The following BTBD9 variants were observed in gnomAD, a reference collection of about 807,000 sequenced individuals.
BTBD9 encodes the protein BTB domain containing 9, also known as BTB/POZ domain-containing protein 9.
BTBD9 carries 49 observed loss-of-function variants against 64.3 expected under a neutral mutation model. The ratio of observed to expected loss-of-function variants is 0.76; its 90% confidence interval spans 0.61 to 0.97. The LOEUF (loss-of-function observed/expected upper bound fraction) is 0.97, where lower values mean the gene tolerates loss of function less well. BTBD9 is among the 50% of genes least tolerant of loss of function. The probability of loss-of-function intolerance (pLI) is 0.00; values close to 1 mark genes in which losing one functional copy is unlikely to be tolerated. For synonymous variants in BTBD9, 260 were observed against 274.7 expected (o/e 0.95, Z 0.53); for missense variants, 598 against 762.1 (o/e 0.78, Z 2.53).
At chr6:38,615,581 C>G (rs1777755710) in intron 1 of BTBD9, among the ~76,000 whole-genome samples, 1 of 152,112 alleles carries the variant, frequency 6.6e-6, no homozygotes, top group Non-Finnish European at 1.5e-5. Context: ...TGTTTTGTTC[C>G]CAAAGCTTCA....
chr6:38,186,514 C>T (rs1761827195), intron 10 of BTBD9, among the ~76,000 whole-genome samples: 1 of 152,136 alleles, frequency 6.6e-6, no homozygotes, highest in Admixed American at 6.5e-5. Context: ...AGTTGGTTTA[C>T]TACATCTTTT....
chr6:38,251,798 C>T (rs915251990), intron 9 of BTBD9, among the ~76,000 whole-genome samples: 3 of 150,108 alleles, frequency 2.0e-5, no homozygotes, highest in African/African-American at 7.4e-5. Context: ...AGACTGAGGC[C>T]GGAGAATCAC....
chr6:38,275,855 C>G (rs982597704), intron 8 of BTBD9, among the ~76,000 whole-genome samples: 2 of 151,974 alleles, frequency 1.3e-5, no homozygotes, highest in African/African-American at 4.8e-5. Flanking sequence ...ACAACAGGTG[C>G]TGGAGAGGAT....
intron 6 of BTBD9, among the ~76,000 whole-genome samples, chr6:38,540,199 T>C (rs1256950896): frequency 1.3e-5 from 2 of 152,228 alleles, no homozygotes; most frequent in African/African-American, 2.4e-5. Flanking sequence ...ACCTTGCTAC[T>C]GTGCCAAAGT....
At chr6:38,392,699 T>C (rs967199227) in intron 6 of BTBD9, among the ~76,000 whole-genome samples, 3 of 152,162 alleles carry the variant, frequency 2.0e-5, no homozygotes, top group Admixed American at 2.0e-4. Context: ...CTGAATGTAG[T>C]TCTGATTAAT....
intron 7 of BTBD9, among the ~76,000 whole-genome samples, chr6:38,341,054 CA>C (rs1310738488): frequency 3.3e-5 from 5 of 152,028 alleles, no homozygotes; most frequent in Admixed American, 3.3e-4. Context: ...AGTTTCTTAA[CA>C]AATAAATAAT....
intron 6 of BTBD9, among the ~76,000 whole-genome samples, chr6:38,459,428 G>C (rs975421203): frequency 6.6e-6 from 1 of 152,310 alleles, no homozygotes; most frequent in Admixed American, 6.5e-5. Context: ...TCTGGCCAAT[G>C]GGTTGTGAGT....
At chr6:38,454,198 C>G (rs1361412378) in intron 6 of BTBD9, among the ~76,000 whole-genome samples, 1 of 152,102 alleles carries the variant, frequency 6.6e-6, no homozygotes, top group Non-Finnish European at 1.5e-5. Flanking sequence ...TAAATGTTAA[C>G]TCAATGTTCA....
chr6:38,507,410 C>T (rs1772573803), intron 6 of BTBD9, among the ~76,000 whole-genome samples: 1 of 152,192 alleles, frequency 6.6e-6, no homozygotes, highest in African/African-American at 2.4e-5. Flanking sequence ...CCAGCTACCA[C>T]CTATCTGCCT....
intron 2 of BTBD9, among the ~76,000 whole-genome samples, chr6:38,597,256 G>A (rs900318249): frequency 2.0e-5 from 3 of 152,162 alleles, no homozygotes; most frequent in African/African-American, 7.2e-5. Context: ...TAGATACCAA[G>A]TTTCCCAGAT....
At chr6:38,623,144 T>C (rs1198515908) in intron 1 of BTBD9, among the ~76,000 whole-genome samples, 1 of 152,178 alleles carries the variant, frequency 6.6e-6, no homozygotes, top group Admixed American at 6.5e-5. Flanking sequence ...CAACCAGTTC[T>C]GTCTACCCAG....
intron 6 of BTBD9, among the ~76,000 whole-genome samples, chr6:38,570,226 C>T (rs1775700610): frequency 6.6e-6 from 1 of 152,142 alleles, no homozygotes. Flanking sequence ...TCCTCCCCTA[C>T]AGGATTGCTG....
At chr6:38,564,185 T>C (rs1159493455) in intron 6 of BTBD9, among the ~76,000 whole-genome samples, 1 of 152,210 alleles carries the variant, frequency 6.6e-6, no homozygotes, top group African/African-American at 2.4e-5. Flanking sequence ...ATACCTTTAC[T>C]GTCCACTTGT....
intron 6 of BTBD9, among the ~76,000 whole-genome samples, chr6:38,465,990 C>A (rs1332350499): frequency 1.3e-5 from 2 of 150,538 alleles, no homozygotes; most frequent in African/African-American, 4.9e-5. Flanking sequence ...GTCATCATGC[C>A]CAGCTAAGAT....
intron 1 of BTBD9, among the ~76,000 whole-genome samples, chr6:38,611,675 T>A (rs938594254): frequency 4.6e-5 from 7 of 152,164 alleles, no homozygotes; most frequent in African/African-American, 1.7e-4. Context: ...AGACTCCATG[T>A]GAGTCTCAGG....
At chr6:38,624,341 C>T (rs969789380) in intron 1 of BTBD9, among the ~76,000 whole-genome samples, 3 of 152,132 alleles carry the variant, frequency 2.0e-5, no homozygotes, top group Non-Finnish European at 4.4e-5. Flanking sequence ...TTTGTCCTTT[C>T]GCTCTTCACA....
At chr6:38,185,074 A>G (rs1044260075) in intron 10 of BTBD9, among the ~76,000 whole-genome samples, 11 of 117,268 alleles carry the variant, frequency 9.4e-5, no homozygotes, top group African/African-American at 3.6e-4. Context: ...GCACCCTCCC[A>G]CCCTCCCAGG....
At chr6:38,254,446 C>G (rs1764505554) in intron 9 of BTBD9, among the ~76,000 whole-genome samples, 1 of 151,714 alleles carries the variant, frequency 6.6e-6, no homozygotes, top group Non-Finnish European at 1.5e-5. Context: ...GGTGCTGTCT[C>G]TACAAAAACA....
At chr6:38,247,435 C>G (rs1405641297) in intron 9 of BTBD9, among the ~76,000 whole-genome samples, 1 of 152,202 alleles carries the variant, frequency 6.6e-6, no homozygotes, top group African/African-American at 2.4e-5. Context: ...TACAATCATG[C>G]TGAAGACCAG....
Sources: gnomAD v4.1 joint callset for allele counts (sites outside exome capture counted in the v4.1 genomes callset) on GRCh38, gnomAD v4.1.1 for gene constraint, MANE v1.5 for transcripts, NCBI Gene and HGNC (gene_info 2026-07-23, HGNC 2026-07-21) for gene names.